TNIK: variants seen among roughly 807,000 people sequenced by gnomAD.
The protein encoded by TNIK is TRAF2 and NCK-interacting protein kinase.
A neutral mutation model predicts 191.3 loss-of-function variants in TNIK; 49 were observed. The observed-to-expected ratio is 0.26, with a 90% CI of 0.20 to 0.32. TNIK has a LOEUF of 0.32. Ranked by LOEUF, TNIK falls within the 10% of genes least tolerant of loss-of-function variation. TNIK has a pLI of 1.00. For missense variants in TNIK, 1,155 were observed against 1,702.3 expected, an observed-to-expected ratio of 0.68 and a Z score of 5.66; for synonymous variants, 594 against 600.9, an observed-to-expected ratio of 0.99 and a Z score of 0.17.
intron 1 of TNIK, among the ~76,000 whole-genome samples, chr3:171,381,058 C>CT (rs1244668411): frequency 2.3e-5 from 3 of 132,010 alleles, no homozygotes; most frequent in Admixed American, 1.4e-4. Flanking sequence ...TCATTTGCAT[C>CT]TATTTTTTTT....
At chr3:171,294,447 G>A (rs770900184) in intron 2 of TNIK, among the ~76,000 whole-genome samples, 1 of 151,982 alleles carries the variant, frequency 6.6e-6, no homozygotes, top group Non-Finnish European at 1.5e-5. Context: ...TAGGCCAGTC[G>A]CGGTGGCTCA....
intron 29 of TNIK, 135 bp from the exon 30 acceptor site, chr3:171,069,132 A>G: frequency 8.9e-7 from 1 of 1,119,278 alleles, no homozygotes; most frequent in East Asian, 2.4e-5. Context: ...TTTCAGTTTT[A>G]GGTCTGTTGA....
intron 1 of TNIK, among the ~76,000 whole-genome samples, chr3:171,382,612 T>G (rs1482870235): frequency 6.6e-6 from 1 of 152,170 alleles, no homozygotes; most frequent in African/African-American, 2.4e-5. Flanking sequence ...CATGATTTAC[T>G]TTGGCTAATA....
At chr3:171,394,313 G>T (rs1430221760) in intron 1 of TNIK, among the ~76,000 whole-genome samples, 1 of 152,118 alleles carries the variant, frequency 6.6e-6, no homozygotes, top group Non-Finnish European at 1.5e-5. Flanking sequence ...CAATTTCTCT[G>T]AACTCAATAT....
At chr3:171,197,209 G>T (rs1738808041) in intron 4 of TNIK, among the ~76,000 whole-genome samples, 1 of 151,914 alleles carries the variant, frequency 6.6e-6, no homozygotes, top group Non-Finnish European at 1.5e-5. Flanking sequence ...GCAAAAAAAT[G>T]ATGTTAAACC....
chr3:171,219,147 T>TATAAATATATAATTATAAATATATATTAC (rs1741951428), intron 3 of TNIK, among the ~76,000 whole-genome samples: 1 of 125,606 alleles, frequency 8.0e-6, no homozygotes, highest in Non-Finnish European at 1.5e-5. Flanking sequence ...ATATATATTA[T>TATAAATATATAATTATAAATATATATTAC]AAAATATATA....
At chr3:171,347,733 T>C (rs1712488127) in intron 2 of TNIK, among the ~76,000 whole-genome samples, 1 of 152,076 alleles carries the variant, frequency 6.6e-6, no homozygotes, top group South Asian at 2.1e-4. Context: ...GCTTTTATAA[T>C]AGCCTGTCCT....
At chr3:171,268,025 A>G (rs1291006707) in intron 2 of TNIK, among the ~76,000 whole-genome samples, 1 of 151,976 alleles carries the variant, frequency 6.6e-6, no homozygotes, top group Non-Finnish European at 1.5e-5. Flanking sequence ...ATTGCACCAC[A>G]TCAAGACTAC....
intron 2 of TNIK, among the ~76,000 whole-genome samples, chr3:171,305,009 TA>T (rs36069177): frequency 0.11 from 8,805 of 77,172 alleles, 334 homozygotes; most frequent in African/African-American, 0.18. Flanking sequence ...AAAGTATAAT[TA>T]AAAAAAAAAA....
At chr3:171,455,146 C>T (rs1187503085) in intron 1 of TNIK, among the ~76,000 whole-genome samples, 1 of 152,118 alleles carries the variant, frequency 6.6e-6, no homozygotes, top group Non-Finnish European at 1.5e-5. Context: ...TACAAGGTCA[C>T]ATTGGTACAC....
chr3:171,171,041 G>C (rs1292523053), intron 9 of TNIK, among the ~76,000 whole-genome samples: 5 of 152,070 alleles, frequency 3.3e-5, no homozygotes, highest in African/African-American at 1.2e-4. Flanking sequence ...GACAGAATGA[G>C]ACTCTGTCTC....
At chr3:171,368,886 A>G (rs1056817138) in intron 2 of TNIK, among the ~76,000 whole-genome samples, 8 of 151,824 alleles carry the variant, frequency 5.3e-5, no homozygotes, top group African/African-American at 1.2e-4. Flanking sequence ...TCAATAGCTC[A>G]TTCAATGAAA....
intron 18 of TNIK, 30 bp from the exon 19 acceptor site, chr3:171,110,907 A>G (rs1162645687): frequency 6.4e-7 from 1 of 1,569,126 alleles, no homozygotes; most frequent in Admixed American, 1.8e-5. Context: ...CACTGGTTAC[A>G]CTCTCCAGAC....
chr3:171,102,991 G>A (rs914710211), intron 21 of TNIK, among the ~76,000 whole-genome samples: 3 of 152,138 alleles, frequency 2.0e-5, no homozygotes, highest in Admixed American at 6.5e-5. Flanking sequence ...GGTGTTTTAC[G>A]TGGTCTAGAA....
chr3:171,393,398 CA>C (rs993103136), intron 1 of TNIK, among the ~76,000 whole-genome samples: 3 of 152,350 alleles, frequency 2.0e-5, no homozygotes, highest in East Asian at 1.9e-4. Context: ...GAGCAGCTTA[CA>C]AACAGCAATT....
At chr3:171,443,219 C>T (rs1279346034) in intron 1 of TNIK, among the ~76,000 whole-genome samples, 1 of 152,098 alleles carries the variant, frequency 6.6e-6, no homozygotes, top group Non-Finnish European at 1.5e-5. Context: ...AGTAAGACAC[C>T]AGCAACAGAA....
chr3:171,352,861 T>C (rs142197160), intron 2 of TNIK, among the ~76,000 whole-genome samples: 2 of 152,320 alleles, frequency 1.3e-5, no homozygotes, highest in Non-Finnish European at 1.5e-5. Context: ...TGAAAACTAA[T>C]GAGGCTTTAA....
In TNIK at chr3:171,399,041, A is replaced by G. The variant is rs1471546304; in HGVS notation, c.58-29356T>C. ...CTGCAAGTGAGCCCCTTGAGAGCTT[A>G]CTTACTTTTCTAACTTCAGAGGTAA... On this transcript the variant is annotated intron_variant, in intron 1 of 32. Coordinates refer to ENST00000436636, the MANE Select transcript of TNIK (RefSeq NM_015028.4). Among the ~76,000 whole-genome samples the G allele has an allele frequency of 3.3e-5, 5 of 152,320 alleles. No individual in the cohort carries two copies. In the East Asian group the frequency reaches 9.6e-4, roughly 29 times the overall value.
At chr3:171,190,935 C>T (rs1460424765) in intron 5 of TNIK, 148 bp from the exon 6 acceptor site, 1 of 573,770 alleles carries the variant, frequency 1.7e-6, no homozygotes, top group Non-Finnish European at 3.1e-6. Flanking sequence ...GCTCATAGTG[C>T]TCTTCTAACT....
Sources: allele counts gnomAD v4.1 joint callset (sites outside exome capture counted in the v4.1 genomes callset), GRCh38; gene constraint gnomAD v4.1.1; transcripts MANE v1.5; gene names NCBI Gene and HGNC (gene_info 2026-07-23, HGNC 2026-07-21).